DUT: variants seen among roughly 807,000 people sequenced by gnomAD.
The protein encoded by DUT is deoxyuridine 5'-triphosphate nucleotidohydrolase, mitochondrial.
A neutral mutation model predicts 28.8 loss-of-function variants in DUT; 21 were observed. The ratio of observed to expected loss-of-function variants is 0.73; its 90% CI spans 0.52 to 1.05. DUT has a LOEUF of 1.05. Among genes scored for constraint, DUT ranks in the 50% least tolerant of loss-of-function variants. The probability of loss-of-function intolerance (pLI) is 0.00; values close to 1 mark genes in which losing one functional copy is unlikely to be tolerated. For missense variants in DUT, 344 were observed against 351.8 expected (o/e 0.98, Z 0.18); for synonymous variants, 147 against 143.7 (o/e 1.02, Z -0.17).
At chr15:48,331,202 C>A (rs781546221), upstream of DUT, 40 of 1,519,586 alleles carry the variant, frequency 2.6e-5, no homozygotes, top group African/African-American at 5.3e-4. Context: ...GTAAATCAGT[C>A]CAGGAGCAGG....
chr15:48,332,589 G>A, intron 2 of DUT, 183 bp downstream of exon 2: 1 of 705,578 alleles, frequency 1.4e-6, no homozygotes, highest in East Asian at 2.7e-5. Context: ...GGCAAAGACT[G>A]CAGAATAAGT....
intron 4 of DUT, among the ~76,000 whole-genome samples, chr15:48,337,687 TG>T (rs1352458414): frequency 6.6e-6 from 1 of 152,062 alleles, no homozygotes; most frequent in African/African-American, 2.4e-5. Flanking sequence ...TGTAAAAGAA[TG>T]GAAAGTTAGT....
Position 48,334,412 on chromosome 15 carries a change from C to A in DUT, c.420-5C>A. On this transcript the variant is annotated splice_region_variant and splice_polypyrimidine_tract_variant and intron_variant, in intron 2 of 6. Transcript: ENST00000331200. ...TGCAGTTATTTTCTTTCAATATTTT[C>A]TTAGTGCCTATGATTACACAATACC... 6.5e-7 allele frequency: 1 copy of A among 1,533,574 alleles called. No homozygotes were observed. Among genetic ancestry groups the A allele is most frequent in the Non-Finnish European group, 8.8e-7 (1 of 1,131,886 alleles). 95.0% of individuals were successfully genotyped at this position (1,533,574 alleles called of 1,614,324 possible).
intron 4 of DUT, among the ~76,000 whole-genome samples, chr15:48,338,329 C>G (rs2042495937): frequency 6.6e-6 from 1 of 152,114 alleles, no homozygotes; most frequent in African/African-American, 2.4e-5. Context: ...CTGCAGGATT[C>G]AAGACACCCA....
rs760619003 is a variant in DUT, at chr15:48,341,376, T to C, written c.631+13T>C. On this transcript the variant is annotated intron_variant, in intron 5 of 6. Transcript: ENST00000331200. ...GAAAAGTTTGAAGGTATGTTAAATATATACATTCACATAATTTTAGTGAAT... is the reference window on the plus strand; with the variant it reads ...GAAAAGTTTGAAGGTATGTTAAATACATACATTCACATAATTTTAGTGAAT... 3.2e-6 allele frequency: 5 copies of C among 1,585,436 alleles called. No homozygotes were observed. The South Asian group carries it at 5.5e-5, about 18-fold the overall frequency.
rs950304291 is a variant in DUT at position 48,342,256 on chromosome 15, C to A, written c.*178C>A. ...CAAGGAAAAGATCATTAAAAAAAAA[C>A]ACAAAGAAGTTTTTCTTTGTGTTTG... On this transcript the variant is annotated 3_prime_UTR_variant, in exon 7 of 7. Coordinates refer to ENST00000331200, the MANE Select transcript of DUT (RefSeq NM_001025248.2). 1.9e-5 allele frequency: 7 copies of A among 375,424 alleles called. No individual in the cohort carries two copies. The highest frequency in any genetic ancestry group is 3.3e-5 in the Non-Finnish European group (7 of 211,874). The allele number at this position is 375,424 out of a possible 1,614,324, so 23.3% of individuals were successfully genotyped here. A position where few individuals can be genotyped will look rare whatever the true frequency, so the allele number is the denominator to read the frequency against.
Position 48,334,408 on chromosome 15 carries a change from T to C in DUT, c.420-9T>C. 1 of 1,523,856 alleles carries C rather than the reference T, an allele frequency of 6.6e-7. No homozygotes were observed. Among genetic ancestry groups the C allele is most frequent in the Non-Finnish European group, 8.9e-7 (1 of 1,125,866 alleles). 94.4% of individuals were successfully genotyped at this position (1,523,856 alleles called of 1,614,324 possible). On this transcript the variant is annotated splice_polypyrimidine_tract_variant and intron_variant, in intron 2 of 6. Coordinates refer to ENST00000331200, the MANE Select transcript of DUT (RefSeq NM_001025248.2). ...GATTTGCAGTTATTTTCTTTCAATATTTTCTTAGTGCCTATGATTACACAA... is the reference window on the plus strand; with the variant it reads ...GATTTGCAGTTATTTTCTTTCAATACTTTCTTAGTGCCTATGATTACACAA...
intron 6 of DUT, 55 bp downstream of exon 6, chr15:48,341,640 A>C (rs2042536416): frequency 7.3e-7 from 1 of 1,373,636 alleles, no homozygotes; most frequent in Admixed American, 1.8e-5. Context: ...TAAGTGAAGA[A>C]ATATATATAA....
intron 4 of DUT, among the ~76,000 whole-genome samples, chr15:48,337,394 T>G (rs1427119408): frequency 6.6e-6 from 1 of 152,244 alleles, no homozygotes; most frequent in Non-Finnish European, 1.5e-5. Flanking sequence ...AACAACTGGA[T>G]GTAGGTCCCA....
chr15:48,335,456 C>T lies in DUT; in HGVS notation c.512-590C>T, dbSNP rs371073054. Among the ~76,000 whole-genome samples the T allele has an allele frequency of 8.4e-4, 128 of 152,186 alleles. No homozygotes were observed. The South Asian group carries it at 0.017, about 20-fold the overall frequency. On this transcript the variant is annotated intron_variant, in intron 3 of 6. Transcript: ENST00000331200. ...AACTGATATTAGCCCATTTATCTTA[C>T]TCTGGTTCATGTGTTTCCTACAGGC...
chr15:48,331,793 C>G lies in DUT; in HGVS notation c.278C>G (p.Pro93Arg). The G allele has an allele frequency of 7.5e-7, 1 of 1,342,224 alleles. No homozygotes were observed. The allele number at this position is 1,342,224 out of a possible 1,614,324, so 83.1% of individuals were successfully genotyped here. ...GCGGGGGGAAGCCCGGCGCCGGGGC[C>G]GGGTAGGAAAGGCGGGGGAGGGGCT... ...PKAGGSPAPG[P>R]ETPAISPSKR... The change falls in exon 1 of 7, where the codon CCG becomes CGG. Residue 93 changes from proline (P) to arginine (R), a missense_variant and splice_region_variant. Pro to Arg is a moderately radical substitution (Grantham distance 103). Transcript: ENST00000331200.
chr15:48,333,404 T>G lies in DUT; in HGVS notation c.419+998T>G, dbSNP rs547643250. ...CCAAAGTATATTTTGGAGCACTTTC[T>G]TGAGTCCTAGGGGAGTCCTTGATTT... On this transcript the variant is annotated intron_variant, in intron 2 of 6. Coordinates refer to ENST00000331200, the MANE Select transcript of DUT (RefSeq NM_001025248.2). Among the ~76,000 whole-genome samples the G allele has an allele frequency of 2.0e-5, 3 of 152,330 alleles. No homozygotes were observed. In the South Asian group the frequency reaches 6.2e-4, roughly 32 times the overall value.
At chr15:48,331,182 G>C (rs2042401535), upstream of DUT, 18 of 1,518,780 alleles carry the variant, frequency 1.2e-5, no homozygotes, top group Non-Finnish European at 1.6e-5. Context: ...TGCGGGCGGT[G>C]CCGCCCCAGG....
At position 48,331,454 on chromosome 15, in the gene DUT, G is replaced by C. The variant is rs777262517; in HGVS notation, c.-62G>C. 1 of 1,596,678 alleles carries C rather than the reference G, an allele frequency of 6.3e-7. No individual in the cohort carries two copies. Among genetic ancestry groups the C allele is most frequent in the Admixed American group, 1.7e-5 (1 of 58,444 alleles). On this transcript the variant is annotated 5_prime_UTR_variant, in exon 1 of 7. Transcript: ENST00000331200. ...GTTCCCAGGACGGGCGCGTCTTCAG[G>C]GTGGAAGCCTGGCGCACGTCCGGAG...
chr15:48,340,689 A>G (rs1566875201), intron 4 of DUT, among the ~76,000 whole-genome samples: 1 of 152,224 alleles, frequency 6.6e-6, no homozygotes, highest in Non-Finnish European at 1.5e-5. Flanking sequence ...CCTATGTGCT[A>G]CAGTCTTCTG....
intron 4 of DUT, among the ~76,000 whole-genome samples, chr15:48,336,436 C>G (rs2042476504): frequency 6.6e-6 from 1 of 152,126 alleles, no homozygotes; most frequent in Non-Finnish European, 1.5e-5. Flanking sequence ...AGAAGAAAAT[C>G]TTTCCCTGAA....
rs756540497 is a variant in DUT at position 48,331,468 on chromosome 15, G to A, written c.-48G>A. 3.1e-6 allele frequency: 5 copies of A among 1,604,022 alleles called. No homozygotes were observed. The highest frequency in any genetic ancestry group is 2.3e-5 in the East Asian group (1 of 44,304). The stretch of plus-strand genomic sequence containing the variant: ...CGCGTCTTCAGGGTGGAAGCCTGGC[G>A]CACGTCCGGAGGTGCCGAGGACCCA... On this transcript the variant is annotated 5_prime_UTR_variant, in exon 1 of 7. Coordinates refer to ENST00000331200, the MANE Select transcript of DUT (RefSeq NM_001025248.2).
chr15:48,331,196 A>C (rs956889222), upstream of DUT: 2 of 1,520,168 alleles, frequency 1.3e-6, no homozygotes, highest in Admixed American at 2.0e-5. Flanking sequence ...CCCCAGGTAA[A>C]TCAGTCCAGG....
At position 48,341,516 on chromosome 15, in the gene DUT, CA is replaced by C; in HGVS notation, c.639del (p.Gly214ValfsTer17). ...TAATAAACTATTCTTTCTTTGAAGT[CA>C]AAAAAGGTGATCGAATTGCACAGCT... Reference protein sequence around the residue: ...FNFGKEKFEVKKGDRIAQLIC... With the variant: ...FNFGKEKFEVXKGDRIAQLIC... On this transcript the variant is annotated frameshift_variant and splice_region_variant, in exon 6 of 7. Coordinates refer to ENST00000331200, the MANE Select transcript of DUT (RefSeq NM_001025248.2). LOFTEE classifies it high-confidence loss of function. 2 of 1,612,628 alleles carry C rather than the reference CA, an allele frequency of 1.2e-6. No homozygotes were observed. The highest frequency in any genetic ancestry group is 1.7e-6 in the Non-Finnish European group (2 of 1,179,286).
Sources: gnomAD v4.1 joint callset for allele counts (sites outside exome capture counted in the v4.1 genomes callset) on GRCh38, gnomAD v4.1.1 for gene constraint, MANE v1.5 for transcripts, NCBI Gene and HGNC (gene_info 2026-07-23, HGNC 2026-07-21) for gene names.